RANBP2: variants seen among roughly 807,000 people sequenced by gnomAD.
RANBP2 encodes the protein E3 SUMO-protein ligase RanBP2.
RANBP2 carries 57 observed loss-of-function variants against 303.6 expected under a neutral mutation model. The ratio of observed to expected loss-of-function variants is 0.19; its 90% confidence interval spans 0.15 to 0.23. The LOEUF (loss-of-function observed/expected upper bound fraction) is 0.23. RANBP2 is among the 10% of genes least tolerant of loss of function. The pLI, the probability that RANBP2 is intolerant of heterozygous loss-of-function variation, is 1.00. For synonymous variants in RANBP2, 1,167 were observed against 1,301.5 expected (o/e 0.90, Z 2.23); for missense variants, 3,138 against 3,780.8 (o/e 0.83, Z 4.46).
chr2:109,735,154 T>G, the RANBP2 span, among the ~76,000 whole-genome samples: 6 of 152,156 alleles, frequency 3.9e-5, no homozygotes. Flanking sequence ...CTCCCACTAT[T>G]CTTCCCACCT....
At chr2:108,946,683 G>A in the RANBP2 span, among the ~76,000 whole-genome samples, 2 of 152,176 alleles carry the variant, frequency 1.3e-5, no homozygotes, top group South Asian at 4.2e-4. Flanking sequence ...GAGAAAGACA[G>A]TGAAGAGGGA....
chr2:109,583,118 A>G, the RANBP2 span, among the ~76,000 whole-genome samples: 3 of 152,188 alleles, frequency 2.0e-5, no homozygotes, highest in Admixed American at 6.5e-5. Context: ...TTGGCCTTGG[A>G]AAAGAATTTA....
chr2:108,754,403 T>G (rs1676140171), intron 15 of RANBP2, among the ~76,000 whole-genome samples: 2 of 151,300 alleles, frequency 1.3e-5, no homozygotes, highest in African/African-American at 4.9e-5. Flanking sequence ...TGTTTGAGAT[T>G]GTCATGATGA....
At chr2:108,744,803 C>T (rs1489877148) in intron 7 of RANBP2, among the ~76,000 whole-genome samples, 3 of 152,142 alleles carry the variant, frequency 2.0e-5, no homozygotes, top group Non-Finnish European at 4.4e-5. Flanking sequence ...CCTTTCTGTT[C>T]CCTAGTTATT....
chr2:109,284,623 A>G, the RANBP2 span, among the ~76,000 whole-genome samples: 1 of 152,240 alleles, frequency 6.6e-6, no homozygotes, highest in Non-Finnish European at 1.5e-5. Flanking sequence ...CTAGAAGTGC[A>G]TGGGAGACCA....
chr2:108,757,647 G>T (rs758192800), intron 17 of RANBP2, among the ~76,000 whole-genome samples: 4 of 152,138 alleles, frequency 2.6e-5, no homozygotes, highest in South Asian at 2.1e-4. Flanking sequence ...GGGAGGTAAC[G>T]CGGAATGTCA....
the RANBP2 span, among the ~76,000 whole-genome samples, chr2:109,134,137 A>G: frequency 1.3e-5 from 2 of 152,170 alleles, no homozygotes; most frequent in African/African-American, 4.8e-5. Context: ...CACCTTATGG[A>G]AAGTTCACAA....
chr2:109,045,421 G>A, the RANBP2 span, among the ~76,000 whole-genome samples: 1 of 152,298 alleles, frequency 6.6e-6, no homozygotes, highest in East Asian at 1.9e-4. Context: ...AGGACTGTTA[G>A]CCCAGCGAGG....
At chr2:109,563,006 G>C in the RANBP2 span, among the ~76,000 whole-genome samples, 2 of 152,064 alleles carry the variant, frequency 1.3e-5, no homozygotes, top group African/African-American at 4.8e-5. Context: ...TGCCTCCCAG[G>C]TTCAAGTGAT....
chr2:108,769,507 C>T (rs200636312), intron 20 of RANBP2, among the ~76,000 whole-genome samples: 199 of 148,692 alleles, frequency 1.3e-3, no homozygotes, highest in East Asian at 9.5e-3. Context: ...TGGCATGACA[C>T]CCTTGTTGGT....
chr2:108,904,493 C>T, the RANBP2 span, among the ~76,000 whole-genome samples: 1 of 152,170 alleles, frequency 6.6e-6, no homozygotes, highest in Non-Finnish European at 1.5e-5. Flanking sequence ...GACTGATGTC[C>T]ACACAAAAAC....
chr2:109,088,521 T>C, the RANBP2 span, among the ~76,000 whole-genome samples: 6 of 152,104 alleles, frequency 3.9e-5, no homozygotes, highest in East Asian at 3.9e-4. Context: ...ATTATTATTA[T>C]ATATTTTTTG....
intron 23 of RANBP2, among the ~76,000 whole-genome samples, chr2:108,773,871 T>G (rs1266004727): frequency 3.3e-5 from 5 of 152,156 alleles, no homozygotes; most frequent in Non-Finnish European, 4.4e-5. Flanking sequence ...ATGGTCTCAA[T>G]CTCTTGACCT....
downstream of RANBP2, among the ~76,000 whole-genome samples, chr2:108,787,267 C>T (rs887432948): frequency 6.6e-6 from 1 of 152,194 alleles, no homozygotes; most frequent in Non-Finnish European, 1.5e-5. Context: ...CGGACTTACT[C>T]AAAAGTTGCT....
the RANBP2 span, among the ~76,000 whole-genome samples, chr2:109,376,639 A>G: frequency 6.6e-6 from 1 of 152,216 alleles, no homozygotes; most frequent in Admixed American, 6.5e-5. Flanking sequence ...CCCAGATCTC[A>G]AGGAACCAAC....
the RANBP2 span, among the ~76,000 whole-genome samples, chr2:108,792,657 A>G: frequency 2.0e-5 from 3 of 152,206 alleles, no homozygotes; most frequent in African/African-American, 4.8e-5. Context: ...TAAAAAATTC[A>G]TACTATGTTT....
the RANBP2 span, among the ~76,000 whole-genome samples, chr2:109,580,612 C>T: frequency 1.3e-5 from 2 of 152,060 alleles, no homozygotes; most frequent in Admixed American, 6.6e-5. Context: ...CCAGTACAGT[C>T]CAGCATTAAC....
At chr2:109,345,322 C>T in the RANBP2 span, among the ~76,000 whole-genome samples, 477 of 152,200 alleles carry the variant, frequency 3.1e-3, 3 homozygotes, top group African/African-American at 0.01. Flanking sequence ...GTCCCCTTCT[C>T]GGGGGCATTG....
At chr2:109,416,277 TC>T in the RANBP2 span, among the ~76,000 whole-genome samples, 2 of 151,956 alleles carry the variant, frequency 1.3e-5, no homozygotes, top group African/African-American at 2.4e-5. Context: ...ACGCTGAACT[TC>T]CTAGGGCTGC....
Sources: allele counts gnomAD v4.1 joint callset (sites outside exome capture counted in the v4.1 genomes callset), GRCh38; gene constraint gnomAD v4.1.1; transcripts MANE v1.5; gene names NCBI Gene and HGNC (gene_info 2026-07-23, HGNC 2026-07-21).